Variants in NEK4 observed in about 807,000 individuals in gnomAD.
NEK4 encodes the protein NIMA related kinase 4.
NEK4 carries 86 observed loss-of-function variants against 98.4 expected under a neutral mutation model. That is an observed-to-expected ratio of 0.87 (90% CI 0.73 to 1.05). NEK4 has a LOEUF of 1.05. Ranked by LOEUF, NEK4 falls within the 50% of genes least tolerant of loss-of-function variation. The pLI, the probability that NEK4 is intolerant of heterozygous loss-of-function variation, is 0.00. For missense variants in NEK4, 898 were observed against 950.3 expected (o/e 0.94, Z 0.72); for synonymous variants, 328 against 342.2 (o/e 0.96, Z 0.46).
intron 6 of NEK4, chr3:52,753,849 T>C (rs994358397): frequency 1.3e-5 from 5 of 396,472 alleles, no homozygotes; most frequent in Non-Finnish European, 2.5e-5. Flanking sequence ...TTTGGACTAA[T>C]ATTCATAGGG....
In NEK4 at chr3:52,736,573, G is replaced by A. The variant is rs572117082; in HGVS notation, c.2433+1013C>T. ...TGCACTCCAGCCTAGGTGACAGAGC[G>A]AGACTCCGTCTCATAAAAAAAAAAA... On this transcript the variant is annotated intron_variant, in intron 15 of 15. Transcript: ENST00000233027. 7.4e-5 allele frequency among the ~76,000 whole-genome samples: 11 copies of A among 149,522 alleles called. No individual in the cohort carries two copies. In the South Asian group the frequency reaches 1.3e-3, roughly 17 times the overall value.
intron 15 of NEK4, 55 bp from the exon 16 acceptor site, chr3:52,711,924 T>C: frequency 6.0e-6 from 6 of 1,007,860 alleles, no homozygotes; most frequent in Non-Finnish European, 9.0e-6. Flanking sequence ...AAAATATTTC[T>C]GTAATCTTAG....
intron 15 of NEK4, among the ~76,000 whole-genome samples, chr3:52,724,222 T>C (rs1025566940): frequency 5.2e-5 from 5 of 96,318 alleles, no homozygotes; most frequent in African/African-American, 2.3e-4. Flanking sequence ...ACAGTGAGAC[T>C]TTGTCTTAAA....
intron 6 of NEK4, among the ~76,000 whole-genome samples, chr3:52,755,826 A>G (rs1250187947): frequency 6.6e-6 from 1 of 152,236 alleles, no homozygotes; most frequent in Non-Finnish European, 1.5e-5. Context: ...TGGAACTAAT[A>G]AACGAACTGA....
In NEK4 at chr3:52,770,824, C is replaced by G; in HGVS notation, c.-78G>C. On this transcript the variant is annotated 5_prime_UTR_variant, in exon 1 of 16. The change abolishes an upstream ATG in the 5' untranslated region. Transcript: ENST00000233027. ...GCGGGCGGCAACAAGAAGCTCGGTTCATGCCCGAGAGGGGGCAGTGGGGGC... is the reference window on the plus strand; with the variant it reads ...GCGGGCGGCAACAAGAAGCTCGGTTGATGCCCGAGAGGGGGCAGTGGGGGC... 7.6e-7 allele frequency: 1 copy of G among 1,310,256 alleles called. No individual in the cohort carries two copies. The highest frequency in any genetic ancestry group is 1.1e-6 in the Non-Finnish European group (1 of 951,086). 81.2% of individuals were successfully genotyped at this position (1,310,256 alleles called of 1,614,324 possible).
chr3:52,719,355 A>T (rs1213047474), intron 15 of NEK4, among the ~76,000 whole-genome samples: 2 of 152,016 alleles, frequency 1.3e-5, no homozygotes, highest in Non-Finnish European at 2.9e-5. Flanking sequence ...GGTCAGAAAA[A>T]AATCTCAGAT....
In NEK4 at chr3:52,761,029, C is replaced by T. The variant is rs2154106367; in HGVS notation, c.822-93G>A. The T allele has an allele frequency of 3.9e-6, 3 of 771,678 alleles. No individual in the cohort carries two copies. In the East Asian group the frequency reaches 7.5e-5, roughly 19 times the overall value. The allele number at this position is 771,678 out of a possible 1,614,324, so 47.8% of individuals were successfully genotyped here. A position where few individuals can be genotyped will look rare whatever the true frequency, so the allele number is the denominator to read the frequency against. On this transcript the variant is annotated intron_variant, in intron 5 of 15. Transcript: ENST00000233027. ...GGGAGTGTGTGTATACAATGAATTC[C>T]CTTACAGAACTGCACCATTTATAGA...
intron 10 of NEK4, 88 bp from the exon 11 acceptor site, chr3:52,744,393 A>G (rs60058353): frequency 0.042 from 44,993 of 1,071,890 alleles, 4,307 homozygotes; most frequent in African/African-American, 0.34. Flanking sequence ...CAGCATTAAG[A>G]AAAAGGTCTG....
At chr3:52,759,655 T>C (rs772484312) in intron 6 of NEK4, among the ~76,000 whole-genome samples, 5 of 152,086 alleles carry the variant, frequency 3.3e-5, no homozygotes, top group African/African-American at 4.8e-5. Flanking sequence ...GCAGCCACTG[T>C]AGAAAACAGT....
At position 52,711,359 on chromosome 3, in the gene NEK4, G is replaced by A. The variant is rs2097350194; in HGVS notation, c.*418C>T. ...CTCCTTAAGGTTATTAACAATAGCA[G>A]GAATTATGACGACATATTATGTCAT... On this transcript the variant is annotated 3_prime_UTR_variant, in exon 16 of 16. Transcript: ENST00000233027. The A allele has an allele frequency of 6.5e-6, 1 of 153,180 alleles. No individual in the cohort carries two copies. The highest frequency in any genetic ancestry group is 2.1e-4 in the South Asian group (1 of 4,842). The allele number at this position is 153,180 out of a possible 1,614,324, so 9.5% of individuals were successfully genotyped here. A position where few individuals can be genotyped will look rare whatever the true frequency, so the allele number is the denominator to read the frequency against.
rs535934048 is a variant in NEK4 at position 52,722,176 on chromosome 3, T to C, written c.2434-10307A>G. Among the ~76,000 whole-genome samples, 8 of 152,246 alleles carry C rather than the reference T, an allele frequency of 5.3e-5. No individual in the cohort carries two copies. The East Asian group carries it at 1.4e-3, about 26-fold the overall frequency. On this transcript the variant is annotated intron_variant, in intron 15 of 15. Coordinates refer to ENST00000233027, the MANE Select transcript of NEK4 (RefSeq NM_003157.6). The stretch of plus-strand genomic sequence containing the variant: ...TTAGGGGGACTTCCCCACCTTAAGG[T>C]AGGGGGACCACCCTCGCATCCCCTC...
At chr3:52,767,558 A>AC (rs1698616085) in intron 2 of NEK4, among the ~76,000 whole-genome samples, 1 of 64,128 alleles carries the variant, frequency 1.6e-5, no homozygotes, top group South Asian at 4.1e-4. Flanking sequence ...CTAAAAATAC[A>AC]AAAAAAAAAA....
chr3:52,729,128 C>G (rs1313814265), intron 15 of NEK4, among the ~76,000 whole-genome samples: 1 of 152,132 alleles, frequency 6.6e-6, no homozygotes, highest in Non-Finnish European at 1.5e-5. Context: ...AGCATGTGAT[C>G]TTTGTGACCT....
intron 15 of NEK4, chr3:52,733,327 A>G: frequency 2.8e-6 from 1 of 359,336 alleles, no homozygotes; most frequent in South Asian, 2.8e-5. Context: ...CAAACCTTGC[A>G]CAACATCAAA....
intron 11 of NEK4, 78 bp downstream of exon 11, chr3:52,744,161 C>G: frequency 9.7e-7 from 1 of 1,036,046 alleles, no homozygotes; most frequent in Non-Finnish European, 1.5e-6. Flanking sequence ...TTCAACCTCT[C>G]ATAGTTAGAA....
chr3:52,752,050 G>A lies in NEK4; in HGVS notation c.1250C>T (p.Ser417Phe), dbSNP rs1344349123. Residue 417 changes from serine (S) to phenylalanine (F), a missense_variant, in exon 7 of 16, where the codon TCC becomes TTC. Physicochemically the swap from Ser to Phe is radical, Grantham distance 155. Coordinates refer to ENST00000233027, the MANE Select transcript of NEK4 (RefSeq NM_003157.6). Reference protein sequence around the residue: ...EEEMLQDNTKSSAQPENLIPM... With the variant: ...EEEMLQDNTKFSAQPENLIPM... ...AATCAGGTTTTCAGGCTGGGCACTG[G>A]ATTTAGTGTTGTCCTGCAGCATCTC... 3 of 1,614,154 alleles carry A rather than the reference G, an allele frequency of 1.9e-6. No individual in the cohort carries two copies. In the Admixed American group the frequency reaches 5.0e-5, roughly 27 times the overall value.
At chr3:52,733,625 T>A in intron 15 of NEK4, 1 of 498,648 alleles carries the variant, frequency 2.0e-6, no homozygotes, top group South Asian at 1.5e-5. Context: ...GTTGAAAGCA[T>A]TTAGCAAGCA....
intron 15 of NEK4, among the ~76,000 whole-genome samples, chr3:52,732,197 C>T (rs190262483): frequency 1.3e-5 from 2 of 151,500 alleles, no homozygotes; most frequent in Non-Finnish European, 2.9e-5. Flanking sequence ...AGATTGATTT[C>T]TTTTTTTTTC....
At chr3:52,712,655 C>T (rs1392605938) in intron 15 of NEK4, among the ~76,000 whole-genome samples, 2 of 152,162 alleles carry the variant, frequency 1.3e-5, no homozygotes, top group Non-Finnish European at 2.9e-5. Flanking sequence ...ATGCGGGAAC[C>T]AGAAGGAAGA....
Sources: allele counts gnomAD v4.1 joint callset (sites outside exome capture counted in the v4.1 genomes callset), GRCh38; gene constraint gnomAD v4.1.1; transcripts MANE v1.5; gene names NCBI Gene and HGNC (gene_info 2026-07-23, HGNC 2026-07-21).